CAMK1D: variants seen among roughly 807,000 people sequenced by gnomAD.
CAMK1D encodes the protein calcium/calmodulin-dependent protein kinase type 1D.
Under a neutral mutation model 47.7 loss-of-function variants are expected in CAMK1D, and 9 were observed. The ratio of observed to expected loss-of-function variants is 0.19; its 90% confidence interval spans 0.11 to 0.33. The LOEUF is 0.33. CAMK1D is among the 10% of genes least tolerant of loss of function. CAMK1D has a pLI of 1.00. For synonymous variants in CAMK1D, 184 were observed against 184.9 expected, an observed-to-expected ratio of 0.99 and a Z score of 0.04; for missense variants, 291 against 488.7, an observed-to-expected ratio of 0.60 and a Z score of 3.81.
intron 1 of CAMK1D, among the ~76,000 whole-genome samples, chr10:12,412,338 G>C (rs564408909): frequency 6.6e-6 from 1 of 151,764 alleles, no homozygotes; most frequent in East Asian, 1.9e-4. Context: ...GGCTGGGTGC[G>C]GTGGCTCATG....
At chr10:12,735,163 T>A (rs1835122681) in intron 3 of CAMK1D, among the ~76,000 whole-genome samples, 1 of 152,208 alleles carries the variant, frequency 6.6e-6, no homozygotes, top group South Asian at 2.1e-4. Context: ...TATGCCCGTT[T>A]TACAGATGTG....
intron 10 of CAMK1D, 112 bp from the exon 11 acceptor site, chr10:12,828,657 T>C: frequency 1.7e-6 from 1 of 603,828 alleles, no homozygotes. Flanking sequence ...AAAAAAAAAT[T>C]GGGCCCCCCC....
intron 1 of CAMK1D, among the ~76,000 whole-genome samples, chr10:12,381,034 A>C (rs1588424805): frequency 6.6e-6 from 1 of 152,200 alleles, no homozygotes; most frequent in Non-Finnish European, 1.5e-5. Context: ...TAGCTTGTAC[A>C]TTTTTATGAC....
intron 2 of CAMK1D, 56 bp from the exon 3 acceptor site, chr10:12,666,680 A>C: frequency 7.2e-7 from 1 of 1,397,974 alleles, no homozygotes; most frequent in Non-Finnish European, 1.0e-6. Flanking sequence ...GTCTGTTTTG[A>C]AACATTTTCC....
intron 1 of CAMK1D, among the ~76,000 whole-genome samples, chr10:12,527,618 C>T (rs551305795): frequency 5.9e-5 from 9 of 152,220 alleles, no homozygotes; most frequent in East Asian, 5.8e-4. Flanking sequence ...TCAAATGATC[C>T]GCCTGCCTCG....
chr10:12,593,650 C>T (rs560071843), intron 2 of CAMK1D, among the ~76,000 whole-genome samples: 6 of 151,864 alleles, frequency 4.0e-5, no homozygotes, highest in Non-Finnish European at 8.8e-5. Context: ...TCCCTTTAAC[C>T]AAAAACCACT....
At chr10:12,618,133 G>A (rs754439483) in intron 2 of CAMK1D, among the ~76,000 whole-genome samples, 1 of 152,070 alleles carries the variant, frequency 6.6e-6, no homozygotes, top group Non-Finnish European at 1.5e-5. Flanking sequence ...GCCGATTCAG[G>A]GCTCTGTGTC....
intron 1 of CAMK1D, among the ~76,000 whole-genome samples, chr10:12,552,406 C>G (rs1836614204): frequency 6.6e-6 from 1 of 152,216 alleles, no homozygotes; most frequent in Non-Finnish European, 1.5e-5. Context: ...CAATACCGCT[C>G]ACACCCAGTC....
chr10:12,626,419 A>T (rs1406552686), intron 2 of CAMK1D, among the ~76,000 whole-genome samples: 1 of 151,152 alleles, frequency 6.6e-6, no homozygotes, highest in Non-Finnish European at 1.5e-5. Context: ...CCTCAAAGAG[A>T]TTCACTTTGA....
At chr10:12,678,157 C>G (rs568091522) in intron 3 of CAMK1D, among the ~76,000 whole-genome samples, 22 of 152,244 alleles carry the variant, frequency 1.4e-4, no homozygotes, top group Admixed American at 1.1e-3. Context: ...AAATTTTCCT[C>G]TTAGCACTGC....
intron 2 of CAMK1D, among the ~76,000 whole-genome samples, chr10:12,579,963 T>A (rs1205568038): frequency 6.6e-6 from 1 of 152,176 alleles, no homozygotes; most frequent in African/African-American, 2.4e-5. Context: ...TAGAAAAGTG[T>A]CCACTCTCAG....
intron 1 of CAMK1D, among the ~76,000 whole-genome samples, chr10:12,544,819 TA>T (rs1836309242): frequency 5.2e-5 from 6 of 115,968 alleles, no homozygotes; most frequent in Non-Finnish European, 9.6e-5. Context: ...GTTGAGTGGA[TA>T]GTACTAGTGT....
chr10:12,825,777 C>T (rs780484511), intron 10 of CAMK1D, 87 bp downstream of exon 10: 43 of 1,593,074 alleles, frequency 2.7e-5, no homozygotes, highest in Non-Finnish European at 3.5e-5. Flanking sequence ...CTGCCGAGCA[C>T]CTCCTGTTTG....
intron 3 of CAMK1D, among the ~76,000 whole-genome samples, chr10:12,752,622 C>T (rs944160260): frequency 6.6e-5 from 10 of 152,176 alleles, no homozygotes; most frequent in Admixed American, 6.5e-4. Context: ...ACATAATAAA[C>T]TCCCATTAAA....
At chr10:12,625,401 C>T (rs984498084) in intron 2 of CAMK1D, among the ~76,000 whole-genome samples, 3 of 149,640 alleles carry the variant, frequency 2.0e-5, no homozygotes, top group African/African-American at 7.4e-5. Context: ...GCATGATTAT[C>T]GTAACTCACT....
intron 1 of CAMK1D, among the ~76,000 whole-genome samples, chr10:12,461,942 C>T (rs1478027109): frequency 2.6e-5 from 4 of 151,964 alleles, no homozygotes; most frequent in Admixed American, 6.6e-5. Context: ...ACAATGAACA[C>T]GCTTCTCTCG....
intron 1 of CAMK1D, among the ~76,000 whole-genome samples, chr10:12,365,313 C>T (rs559879195): frequency 3.9e-5 from 6 of 152,186 alleles, no homozygotes; most frequent in East Asian, 1.9e-4. Flanking sequence ...CACCTGCTTA[C>T]GTTATGGACT....
intron 2 of CAMK1D, among the ~76,000 whole-genome samples, chr10:12,595,543 G>C (rs556945157): frequency 6.6e-6 from 1 of 152,064 alleles, no homozygotes; most frequent in East Asian, 1.9e-4. Context: ...ATTGATCCAG[G>C]CCCATCTTGA....
At chr10:12,781,941 C>A (rs1201370868) in intron 5 of CAMK1D, among the ~76,000 whole-genome samples, 2 of 151,692 alleles carry the variant, frequency 1.3e-5, no homozygotes, top group East Asian at 3.9e-4. Flanking sequence ...AGCCACCATG[C>A]CTGGCCTGGT....
Sources: gnomAD v4.1 joint callset for allele counts (sites outside exome capture counted in the v4.1 genomes callset) on GRCh38, gnomAD v4.1.1 for gene constraint, MANE v1.5 for transcripts, NCBI Gene and HGNC (gene_info 2026-07-23, HGNC 2026-07-21) for gene names.